Variants in CSGALNACT2 observed in about 807,000 individuals in gnomAD.
CSGALNACT2 encodes the protein beta 4 GalNAcT-2.
Under a neutral mutation model 55.3 loss-of-function variants are expected in CSGALNACT2, and 35 were observed. That is an observed-to-expected ratio of 0.63 (90% CI 0.48 to 0.84). The LOEUF is 0.84. CSGALNACT2 is among the 40% of genes least tolerant of loss of function. CSGALNACT2 has a pLI of 0.00. For synonymous variants in CSGALNACT2, 196 were observed against 224.9 expected (o/e 0.87, Z 1.15); for missense variants, 544 against 657.5 (o/e 0.83, Z 1.89).
rs756857914 is a variant in CSGALNACT2 at position 43,158,715 on chromosome 10, G to T, written c.662G>T (p.Gly221Val). The change falls in exon 3 of 8, where the codon GGT (glycine) becomes GTT (valine). Residue 221 changes from glycine to valine, a missense_variant and splice_region_variant. Gly to Val is a moderately radical substitution (Grantham distance 109). Coordinates refer to ENST00000374466, the MANE Select transcript of CSGALNACT2 (RefSeq NM_018590.5). Reference sequence around the variant, plus strand: ...CTTTGTTCCTAACTCTTTCCTTTAGGTTATTATCGCACTGAGAGAGATAAG... The same window carrying T: ...CTTTGTTCCTAACTCTTTCCTTTAGTTTATTATCGCACTGAGAGAGATAAG... ...LIFNENDFVE[G>V]YYRTERDKGT... is the part of the protein sequence containing the mutation. 7 of 1,569,580 alleles carry T rather than the reference G, an allele frequency of 4.5e-6. No individual in the cohort carries two copies. The highest frequency in any genetic ancestry group is 5.3e-6 in the Non-Finnish European group (6 of 1,141,276).
intron 1 of CSGALNACT2, among the ~76,000 whole-genome samples, chr10:43,147,225 T>C (rs1838776582): frequency 6.6e-6 from 1 of 152,014 alleles, no homozygotes; most frequent in South Asian, 2.1e-4. Context: ...TCCGCCCGCC[T>C]CGGCCTCCCA....
At chr10:43,138,627 C>A (rs1838546880) in intron 1 of CSGALNACT2, 60 bp downstream of exon 1, 2 of 151,566 alleles carry the variant, frequency 1.3e-5, no homozygotes, top group East Asian at 2.0e-4. Flanking sequence ...CCGGCCCGGG[C>A]GGTGCGGGCG....
intron 1 of CSGALNACT2, among the ~76,000 whole-genome samples, chr10:43,147,896 G>GT (rs1428585269): frequency 2.0e-5 from 3 of 149,462 alleles, no homozygotes; most frequent in African/African-American, 7.4e-5. Context: ...TGCAACACAA[G>GT]TTTTTTTATT....
At chr10:43,180,806 A>G (rs142291947) in intron 7 of CSGALNACT2, among the ~76,000 whole-genome samples, 11 of 152,280 alleles carry the variant, frequency 7.2e-5, no homozygotes, top group Non-Finnish European at 1.6e-4. Flanking sequence ...GTGATCCTGT[A>G]TCCCAGACTC....
At chr10:43,178,739 C>T (rs1219029965) in intron 7 of CSGALNACT2, among the ~76,000 whole-genome samples, 2 of 150,662 alleles carry the variant, frequency 1.3e-5, no homozygotes, top group East Asian at 3.9e-4. Flanking sequence ...ATTTTTGAAC[C>T]ATGTTGGTTG....
intron 6 of CSGALNACT2, among the ~76,000 whole-genome samples, chr10:43,170,358 A>G (rs1839358975): frequency 2.0e-5 from 3 of 152,178 alleles, no homozygotes; most frequent in Non-Finnish European, 4.4e-5. Flanking sequence ...GGGGCAAAAA[A>G]TATACAAGAA....
At chr10:43,147,186 G>A (rs551496576) in intron 1 of CSGALNACT2, among the ~76,000 whole-genome samples, 1,701 of 151,088 alleles carry the variant, frequency 0.011, 14 homozygotes, top group Non-Finnish European at 0.018. Context: ...CGTTTTAGCC[G>A]GGATGGTCTC....
chr10:43,156,226 A>G (rs1172603979), intron 2 of CSGALNACT2, among the ~76,000 whole-genome samples: 1 of 152,166 alleles, frequency 6.6e-6, no homozygotes, highest in Non-Finnish European at 1.5e-5. Context: ...ACTCTTAGCT[A>G]TTTTTCGTAT....
intron 5 of CSGALNACT2, among the ~76,000 whole-genome samples, chr10:43,164,433 C>A (rs922572018): frequency 6.6e-6 from 1 of 152,144 alleles, no homozygotes; most frequent in African/African-American, 2.4e-5. Flanking sequence ...GCAAAAATAC[C>A]CCCATGCATG....
rs756621246 is a variant in CSGALNACT2 at position 43,164,049 on chromosome 10, G to A, written c.1159+5G>A. 7 of 1,607,830 alleles carry A rather than the reference G, an allele frequency of 4.4e-6. No homozygotes were observed. Among genetic ancestry groups the A allele is most frequent in the Middle Eastern group, 1.6e-4 (1 of 6,062 alleles). On this transcript the variant is annotated splice_donor_5th_base_variant and intron_variant, in intron 5 of 7. Coordinates refer to ENST00000374466, the MANE Select transcript of CSGALNACT2 (RefSeq NM_018590.5). Reference sequence around the variant, plus strand: ...GCCGGTTAAATGCTGAGCCAGGTGCGTAAAATGTTGGTAGATGAGCTGACT... The same window carrying A: ...GCCGGTTAAATGCTGAGCCAGGTGCATAAAATGTTGGTAGATGAGCTGACT...
At chr10:43,152,015 T>C (rs531669421) in intron 1 of CSGALNACT2, among the ~76,000 whole-genome samples, 1 of 152,310 alleles carries the variant, frequency 6.6e-6, no homozygotes, top group East Asian at 1.9e-4. Context: ...GGAAGTCAGT[T>C]TTTTAAGCAG....
intron 4 of CSGALNACT2, among the ~76,000 whole-genome samples, chr10:43,160,812 C>G (rs1008762393): frequency 2.0e-5 from 3 of 152,178 alleles, no homozygotes; most frequent in Non-Finnish European, 4.4e-5. Flanking sequence ...ATGATGCTTT[C>G]TCTGTGGCCC....
At chr10:43,140,897 A>G (rs1198924274) in intron 1 of CSGALNACT2, among the ~76,000 whole-genome samples, 1 of 152,254 alleles carries the variant, frequency 6.6e-6, no homozygotes, top group Non-Finnish European at 1.5e-5. Flanking sequence ...GGAAATCGGT[A>G]GCATCTAAGA....
chr10:43,171,536 A>G (rs555249171), intron 6 of CSGALNACT2, among the ~76,000 whole-genome samples: 2 of 152,220 alleles, frequency 1.3e-5, no homozygotes, highest in African/African-American at 4.8e-5. Context: ...TATTTTTAGT[A>G]GAGATGGGGT....
At chr10:43,148,531 TTC>T (rs1191416083) in intron 1 of CSGALNACT2, among the ~76,000 whole-genome samples, 2 of 152,190 alleles carry the variant, frequency 1.3e-5, no homozygotes, top group Non-Finnish European at 2.9e-5. Context: ...TGTGGTGTCT[TTC>T]TGTTTATTTA....
At position 43,175,956 on chromosome 10, in the gene CSGALNACT2, C is replaced by G; in HGVS notation, c.1260C>G (p.His420Gln). The G allele has an allele frequency of 6.3e-7, 1 of 1,593,718 alleles. No homozygotes were observed. Among genetic ancestry groups the G allele is most frequent in the South Asian group, 1.1e-5 (1 of 87,580 alleles). Residue 420 changes from histidine to glutamine, a missense_variant, in exon 7 of 8, where the codon CAC becomes CAG. Coordinates refer to ENST00000374466, the MANE Select transcript of CSGALNACT2 (RefSeq NM_018590.5). ...TTTTTTTTTTTTTAACTAAGGTTCA[C>G]AAAAAGGATTCTGGCTTTTGGCGAG... ...VPPPVEQQLVHKKDSGFWRDF... is the reference protein window; with the variant it reads ...VPPPVEQQLVQKKDSGFWRDF...
chr10:43,168,223 C>T (rs1180561294), intron 6 of CSGALNACT2, among the ~76,000 whole-genome samples: 3 of 152,076 alleles, frequency 2.0e-5, no homozygotes, highest in Non-Finnish European at 2.9e-5. Flanking sequence ...GAGGTCAAGA[C>T]GGGTGGATCA....
intron 1 of CSGALNACT2, among the ~76,000 whole-genome samples, chr10:43,147,710 T>G (rs948494091): frequency 6.6e-6 from 1 of 152,092 alleles, no homozygotes; most frequent in Non-Finnish European, 1.5e-5. Context: ...CATCTTTTCA[T>G]GTATTTATAT....
At chr10:43,159,305 AT>A (rs370203829) in intron 3 of CSGALNACT2, among the ~76,000 whole-genome samples, 88 of 147,846 alleles carry the variant, frequency 6.0e-4, no homozygotes, top group Admixed American at 2.2e-3. Flanking sequence ...TTTTATTTTT[AT>A]TTTTTTTTTT....
Sources: allele counts gnomAD v4.1 joint callset (sites outside exome capture counted in the v4.1 genomes callset), GRCh38; gene constraint gnomAD v4.1.1; transcripts MANE v1.5; gene names NCBI Gene and HGNC (gene_info 2026-07-23, HGNC 2026-07-21).